PHF24: variants seen among roughly 807,000 people sequenced by gnomAD.
The protein encoded by PHF24 is Galpha inhibitory interacting protein.
Under a neutral mutation model 42.6 loss-of-function variants are expected in PHF24, and 25 were observed. The ratio of observed to expected loss-of-function variants is 0.59; its 90% CI spans 0.43 to 0.82. The LOEUF (loss-of-function observed/expected upper bound fraction) is 0.82. Ranked by LOEUF, PHF24 falls within the 40% of genes least tolerant of loss-of-function variation. The probability of loss-of-function intolerance (pLI) is 0.00; values close to 1 mark genes in which losing one functional copy is unlikely to be tolerated. For synonymous variants in PHF24, 185 were observed against 204.8 expected (o/e 0.90, Z 0.83); for missense variants, 470 against 538.1 (o/e 0.87, Z 1.25).
the PHF24 span, chr9:34,709,360 GT>G: frequency 1.2e-6 from 2 of 1,604,486 alleles, no homozygotes; most frequent in South Asian, 2.2e-5. Context: ...GGTGAGGCTG[GT>G]GGGGTCTCCA....
the PHF24 span, among the ~76,000 whole-genome samples, chr9:34,832,047 C>G: frequency 6.6e-6 from 1 of 152,174 alleles, no homozygotes; most frequent in Non-Finnish European, 1.5e-5. Flanking sequence ...ACAGGAAGGT[C>G]TTTTTAGCCT....
At chr9:34,885,376 T>A in the PHF24 span, among the ~76,000 whole-genome samples, 1,922 of 152,260 alleles carry the variant, frequency 0.013, 33 homozygotes, top group South Asian at 0.049. Flanking sequence ...TCCTGCCACC[T>A]CCTCCTTCTG....
chr9:34,770,014 G>C, the PHF24 span, among the ~76,000 whole-genome samples: 2 of 152,108 alleles, frequency 1.3e-5, no homozygotes, highest in African/African-American at 2.4e-5. Context: ...TGAGAGGAAA[G>C]ACTTTTTAGT....
At chr9:34,680,767 C>G in the PHF24 span, 1 of 151,670 alleles carries the variant, frequency 6.6e-6, no homozygotes, top group Admixed American at 6.6e-5. Flanking sequence ...TAAATGTCAG[C>G]TAAGTCCCAG....
the PHF24 span, among the ~76,000 whole-genome samples, chr9:34,769,864 A>T: frequency 2.0e-4 from 30 of 152,316 alleles, no homozygotes; most frequent in East Asian, 4.0e-3. Context: ...CTTGAAAAAG[A>T]TAGGCAAATT....
chr9:34,966,860 C>A (rs1429157857), intron 1 of PHF24, among the ~76,000 whole-genome samples: 1 of 152,076 alleles, frequency 6.6e-6, no homozygotes, highest in Non-Finnish European at 1.5e-5. Context: ...AATCACCATG[C>A]CCAATTTCTT....
At position 34,966,648 on chromosome 9, in the gene PHF24, A is replaced by G. The variant is rs10116102; in HGVS notation, c.-4-4647A>G. 6.3e-3 allele frequency among the ~76,000 whole-genome samples: 961 copies of G among 152,080 alleles called. 15 individuals carry two copies. The Middle Eastern group carries it at 0.082, about 13-fold the overall frequency. On this transcript the variant is annotated intron_variant, in intron 1 of 7. Coordinates refer to ENST00000242315, the Ensembl canonical transcript of PHF24. The stretch of plus-strand genomic sequence containing the variant: ...TTTTCTCTTTTTTAATAGCATGAAT[A>G]TATCACAAGTTATTCAGTAATTTCC...
At chr9:34,964,258 T>C (rs548482920) in intron 1 of PHF24, among the ~76,000 whole-genome samples, 1 of 152,244 alleles carries the variant, frequency 6.6e-6, no homozygotes, top group African/African-American at 2.4e-5. Context: ...GCCTTTTAAA[T>C]AGCCTCCATC....
At chr9:34,882,045 A>G in the PHF24 span, among the ~76,000 whole-genome samples, 8 of 152,242 alleles carry the variant, frequency 5.3e-5, no homozygotes, top group African/African-American at 1.9e-4. Context: ...CTGGGATGCA[A>G]GGCTGTTGCA....
chr9:34,802,434 C>T, the PHF24 span, among the ~76,000 whole-genome samples: 1 of 152,242 alleles, frequency 6.6e-6, no homozygotes, highest in East Asian at 1.9e-4. Context: ...TTATTGTACA[C>T]ATTTGCATCA....
chr9:34,699,313 C>G, the PHF24 span, among the ~76,000 whole-genome samples: 2 of 152,192 alleles, frequency 1.3e-5, no homozygotes, highest in African/African-American at 4.8e-5. Flanking sequence ...GAAGAGACAG[C>G]TGATTACAGC....
exon 8 of PHF24, chr9:34,978,168 C>G (rs1182903954): frequency 7.4e-7 from 1 of 1,348,820 alleles, no homozygotes; most frequent in Admixed American, 1.7e-5. Context: ...CCTTTCCTTT[C>G]TCCCTTCCCC....
the PHF24 span, among the ~76,000 whole-genome samples, chr9:34,704,213 A>G: frequency 6.9e-5 from 10 of 145,246 alleles, no homozygotes; most frequent in East Asian, 8.3e-4. Flanking sequence ...TTTTTTTTGT[A>G]GAGACAGGGG....
chr9:34,907,750 T>G, the PHF24 span, among the ~76,000 whole-genome samples: 4 of 152,130 alleles, frequency 2.6e-5, no homozygotes, highest in South Asian at 8.3e-4. Flanking sequence ...CTTTGTTTAG[T>G]TTTTTTTCCC....
At chr9:34,767,976 A>G in the PHF24 span, among the ~76,000 whole-genome samples, 1,906 of 152,316 alleles carry the variant, frequency 0.013, 46 homozygotes, top group African/African-American at 0.042. Context: ...AGTGGCTTCC[A>G]TAATATGCTT....
chr9:34,947,853 A>G, the PHF24 span, among the ~76,000 whole-genome samples: 3 of 152,316 alleles, frequency 2.0e-5, no homozygotes, highest in Middle Eastern at 3.4e-3. Flanking sequence ...TCACACCTGT[A>G]ATCCCAGCAC....
chr9:34,729,186 T>C, the PHF24 span: 6 of 1,372,276 alleles, frequency 4.4e-6, no homozygotes, highest in Non-Finnish European at 5.8e-6. Context: ...GAAAGTATGC[T>C]ATAAAAATTC....
At chr9:34,978,345 G>A (rs762203990) in exon 8 of PHF24, 22 of 544,072 alleles carry the variant, frequency 4.0e-5, no homozygotes, top group Admixed American at 1.6e-4. Flanking sequence ...CTCCTGGACC[G>A]CCCCTGCCCC....
upstream of PHF24, among the ~76,000 whole-genome samples, chr9:34,953,440 A>T (rs1826304801): frequency 6.6e-6 from 1 of 152,200 alleles, no homozygotes; most frequent in Non-Finnish European, 1.5e-5. The surrounding 1 kb of genome is among the most constrained non-coding windows in gnomAD (Gnocchi z 4.1). Context: ...ATCCAGCCTT[A>T]TACTCAGGAT....
Sources: gnomAD v4.1 joint callset for allele counts (sites outside exome capture counted in the v4.1 genomes callset) on GRCh38, gnomAD v4.1.1 for gene constraint, Gnocchi (gnomAD v3.1) non-coding constraint, MANE v1.5 for transcripts, NCBI Gene and HGNC (gene_info 2026-07-23, HGNC 2026-07-21) for gene names.